Variants in THBS2 observed in about 807,000 individuals in gnomAD.
THBS2 encodes the protein thrombospondin-2.
Under a neutral mutation model 135.2 loss-of-function variants are expected in THBS2, and 47 were observed. The observed-to-expected ratio is 0.35, with a 90% confidence interval of 0.28 to 0.44. THBS2 has a LOEUF of 0.44. THBS2 is among the 20% of genes least tolerant of loss of function. The probability of loss-of-function intolerance (pLI) is 1.00; values close to 1 mark genes in which losing one functional copy is unlikely to be tolerated. For missense variants in THBS2, 1,288 were observed against 1,603.1 expected (o/e 0.80, Z 3.36); for synonymous variants, 639 against 633.8 (o/e 1.01, Z -0.12).
At chr6:169,250,479 C>T (rs981977275) in intron 2 of THBS2, among the ~76,000 whole-genome samples, 7 of 152,146 alleles carry the variant, frequency 4.6e-5, no homozygotes, top group Admixed American at 4.6e-4. Flanking sequence ...TTGTGAACAT[C>T]CTCTATAGAA....
At position 169,232,653 on chromosome 6, in the gene THBS2, G is replaced by T. The variant is rs532580485; in HGVS notation, c.1932+11C>A. ...CGCTCGCAACACACAAGGAAGGCCG[G>T]CCTTGCGTACTTGCTTTTCCGTCTT... On this transcript the variant is annotated intron_variant, in intron 12 of 21. Coordinates refer to ENST00000617924, the MANE Select transcript of THBS2 (RefSeq NM_003247.5). The T allele has an allele frequency of 1.1e-4, 171 of 1,591,336 alleles. 1 individual carries two copies. In the East Asian group the frequency reaches 3.8e-3, roughly 35 times the overall value.
intron 17 of THBS2, among the ~76,000 whole-genome samples, chr6:169,224,919 C>T (rs1159950767): frequency 2.6e-5 from 4 of 152,202 alleles, no homozygotes; most frequent in African/African-American, 9.7e-5. Context: ...TGCACACACA[C>T]TTGAGGCAGC....
rs766629472 is a variant in THBS2 at position 169,248,411 on chromosome 6, G to T, written c.609+6C>A. 6 of 1,597,198 alleles carry T rather than the reference G, an allele frequency of 3.8e-6. No homozygotes were observed. The South Asian group carries it at 6.7e-5, about 18-fold the overall frequency. Reference sequence around the variant, plus strand: ...CTCACGGCGGCCACCTCCCTGCAGAGCGTACCCTGAAGTGACTCTCTCTGG... The same window carrying T: ...CTCACGGCGGCCACCTCCCTGCAGATCGTACCCTGAAGTGACTCTCTCTGG... On this transcript the variant is annotated splice_donor_region_variant and intron_variant, in intron 3 of 21. Transcript: ENST00000617924.
rs112533700 is a variant in THBS2 at position 169,220,312 on chromosome 6, C to A, written c.3397G>T (p.Val1133Phe). ...IRVLVHEGKQ[V>F]MADSGPIYDQ... The stretch of plus-strand genomic sequence containing the variant: ...TAGATAGGTCCTGAGTCTGCCATGA[C>A]CTGTTTTCCTTCATGCACTAAGACT... The change falls in exon 21 of 22, where the codon GTC becomes TTC. Residue 1133 changes from valine (V) to phenylalanine (F), a missense_variant. This residue lies in a region of THBS2 where 874 missense variants were observed against 1,156.1 expected (regional missense o/e 0.76). Coordinates refer to ENST00000617924, the MANE Select transcript of THBS2 (RefSeq NM_003247.5). 636 of 1,613,198 alleles carry A rather than the reference C, an allele frequency of 3.9e-4. No homozygotes were observed. The highest frequency in any genetic ancestry group is 5.1e-4 in the Non-Finnish European group (596 of 1,179,704).
chr6:169,237,931 G>A (rs1479593841), intron 7 of THBS2, 136 bp from the exon 8 acceptor site: 1 of 1,152,584 alleles, frequency 8.7e-7, no homozygotes, highest in African/African-American at 1.6e-5. Context: ...CCTGGCTGGG[G>A]CAGGTGGACA....
At chr6:169,245,768 G>A (rs1780535408) in intron 4 of THBS2, among the ~76,000 whole-genome samples, 1 of 149,910 alleles carries the variant, frequency 6.7e-6, no homozygotes, top group African/African-American at 2.5e-5. Flanking sequence ...CTCCAGCCTG[G>A]GTGACAGAGT....
At chr6:169,239,225 G>T in intron 7 of THBS2, 1 of 221,858 alleles carries the variant, frequency 4.5e-6, no homozygotes, top group Non-Finnish European at 8.8e-6. Context: ...TTTTTTCCAG[G>T]AGTGTGTGTA....
At position 169,240,547 on chromosome 6, in the gene THBS2, T is replaced by G. The variant is rs755867555; in HGVS notation, c.937A>C (p.Lys313Gln). 10 of 1,613,904 alleles carry G rather than the reference T, an allele frequency of 6.2e-6. No individual in the cohort carries two copies. The highest frequency in any genetic ancestry group is 7.6e-6 in the Non-Finnish European group (9 of 1,180,010). Residue 313 changes from lysine to glutamine, a missense_variant, in exon 6 of 22, where the codon AAG (lysine) becomes CAG (glutamine). Transcript: ENST00000617924. ...CAGCAAGCTGACATGTTCCTTGTCT[T>G]AGGAGGGCCACCAATGAGCTCCCAG... ...FLWELIGGPPKTRNMSACWQD... is the reference protein window; with the variant it reads ...FLWELIGGPPQTRNMSACWQD...
chr6:169,217,605 T>C lies in THBS2; in HGVS notation c.*217A>G. ...CTCATATATCACCAAACTGGTTTCCTCTAGTGGGTTAGATGTTCATCTCTG... is the reference window on the plus strand; with the variant it reads ...CTCATATATCACCAAACTGGTTTCCCCTAGTGGGTTAGATGTTCATCTCTG... On this transcript the variant is annotated 3_prime_UTR_variant, in exon 22 of 22. Coordinates refer to ENST00000617924, the MANE Select transcript of THBS2 (RefSeq NM_003247.5). The C allele has an allele frequency of 2.0e-6, 1 of 508,260 alleles. No homozygotes were observed. The highest frequency in any genetic ancestry group is 3.5e-6 in the Non-Finnish European group (1 of 284,152). The allele number at this position is 508,260 out of a possible 1,614,324, so 31.5% of individuals were successfully genotyped here.
chr6:169,247,240 G>A (rs73790700), intron 3 of THBS2, among the ~76,000 whole-genome samples: 3,763 of 152,284 alleles, frequency 0.025, 161 homozygotes, highest in African/African-American at 0.084. Context: ...AAAGGCGTGC[G>A]TTGTGTGTGT....
chr6:169,240,759 G>C (rs187098102), intron 5 of THBS2, among the ~76,000 whole-genome samples, 167 bp from the exon 6 acceptor site: 2 of 152,134 alleles, frequency 1.3e-5, no homozygotes, highest in Non-Finnish European at 2.9e-5. Context: ...CCATCCTCAC[G>C]GGGCTTTCTG....
At chr6:169,236,939 C>T (rs183968014) in intron 9 of THBS2, among the ~76,000 whole-genome samples, 8 of 152,366 alleles carry the variant, frequency 5.3e-5, no homozygotes, top group Middle Eastern at 3.4e-3. Flanking sequence ...TGGAATGAAA[C>T]GGGGCTATCT....
At chr6:169,242,040 C>CATCT (rs1780323864) in intron 4 of THBS2, 82 bp from the exon 5 acceptor site, 1 of 1,473,870 alleles carries the variant, frequency 6.8e-7, no homozygotes, top group Non-Finnish European at 9.1e-7. Context: ...GAGGATGACC[C>CATCT]GCCCTGGCTC....
At position 169,228,347 on chromosome 6, in the gene THBS2, C is replaced by T. The variant is rs1583408452; in HGVS notation, c.2260-66G>A. ...GGAATGTGTGTCGGGCCGTTTAGCA[C>T]TTATAAGTTATGTACTCAAGGTTGA... On this transcript the variant is annotated intron_variant, in intron 14 of 21. Transcript: ENST00000617924. The T allele has an allele frequency of 9.5e-5, 149 of 1,568,492 alleles. No homozygotes were observed. The East Asian group carries it at 3.3e-3, about 35-fold the overall frequency.
intron 13 of THBS2, 135 bp from the exon 14 acceptor site, chr6:169,229,814 T>TCATCAAAATTCA: frequency 1.5e-6 from 1 of 665,038 alleles, no homozygotes. Context: ...AAGCGGGAGC[T>TCATCAAAATTCA]GAGAGAGGAG....
chr6:169,227,214 C>T (rs140022915), intron 15 of THBS2, among the ~76,000 whole-genome samples: 390 of 152,214 alleles, frequency 2.6e-3, no homozygotes, highest in African/African-American at 7.9e-3. Flanking sequence ...CCCCACGAGG[C>T]GAAGTGTGGA....
chr6:169,245,579 T>A (rs916881403), intron 4 of THBS2, among the ~76,000 whole-genome samples: 1 of 151,916 alleles, frequency 6.6e-6, no homozygotes, highest in Admixed American at 6.6e-5. Flanking sequence ...GATCACGAGG[T>A]CAGGAGATCG....
At chr6:169,218,793 G>A (rs1583402069) in intron 21 of THBS2, among the ~76,000 whole-genome samples, 1 of 130,650 alleles carries the variant, frequency 7.7e-6, no homozygotes, top group Admixed American at 7.7e-5. Context: ...GAGTGGGTTG[G>A]TGGATGAGAT....
At position 169,221,569 on chromosome 6, in the gene THBS2, G is replaced by C. The variant is rs113861243; in HGVS notation, c.3274-42C>G. 6.3e-6 allele frequency: 10 copies of C among 1,587,518 alleles called. No individual in the cohort carries two copies. The African/African-American group carries it at 1.1e-4, about 17-fold the overall frequency. ...CACTCTTGAGTGCCATGGGCACCCGGAGCCTTAACCACAGCTCTGTAACAC... is the reference window on the plus strand; with the variant it reads ...CACTCTTGAGTGCCATGGGCACCCGCAGCCTTAACCACAGCTCTGTAACAC... On this transcript the variant is annotated intron_variant, in intron 19 of 21. Coordinates refer to ENST00000617924, the MANE Select transcript of THBS2 (RefSeq NM_003247.5).
Sources: gnomAD v4.1 joint callset for allele counts (sites outside exome capture counted in the v4.1 genomes callset) on GRCh38, gnomAD v4.1.1 for gene constraint, gnomAD v4.1.1 regional missense constraint, MANE v1.5 for transcripts, NCBI Gene and HGNC (gene_info 2026-07-23, HGNC 2026-07-21) for gene names.